IGF2R: variants seen among roughly 807,000 people sequenced by gnomAD.
The protein encoded by IGF2R is insulin like growth factor 2 receptor, also known as cation-independent mannose-6-phosphate receptor.
Under a neutral mutation model 270.6 loss-of-function variants are expected in IGF2R, and 91 were observed. The observed-to-expected ratio is 0.34, with a 90% CI of 0.28 to 0.40. IGF2R has a LOEUF of 0.40. Ranked by LOEUF, IGF2R falls within the 10% of genes least tolerant of loss-of-function variation. The pLI is 1.00. For synonymous variants in IGF2R, 1,316 were observed against 1,258.9 expected (o/e 1.05, Z -0.96); for missense variants, 2,805 against 3,188.3 (o/e 0.88, Z 2.90).
intron 25 of IGF2R, 37 bp downstream of exon 25, chr6:160,061,965 G>A: frequency 6.3e-7 from 1 of 1,590,616 alleles, no homozygotes; most frequent in South Asian, 1.1e-5. Flanking sequence ...GTTGTCCCCG[G>A]GTGACTCCAT....
chr6:160,070,480 C>T (rs943823052), intron 31 of IGF2R, among the ~76,000 whole-genome samples: 1 of 152,168 alleles, frequency 6.6e-6, no homozygotes, highest in Non-Finnish European at 1.5e-5. Context: ...CCTGCTCAGC[C>T]GTTCATAACA....
intron 4 of IGF2R, among the ~76,000 whole-genome samples, chr6:160,023,440 A>G (rs1469058373): frequency 1.3e-5 from 2 of 152,168 alleles, no homozygotes; most frequent in Non-Finnish European, 2.9e-5. Context: ...ATGAAATTTG[A>G]GATGGTTTTG....
At position 160,026,029 on chromosome 6, in the gene IGF2R, T is replaced by C. The variant is rs977014815; in HGVS notation, c.647-1156T>C. ...CAGACATTCTCCATTCCCAGGAAATTGCCCTAAGTCTCAAACCAAGATTGA... is the reference window on the plus strand; with the variant it reads ...CAGACATTCTCCATTCCCAGGAAATCGCCCTAAGTCTCAAACCAAGATTGA... On this transcript the variant is annotated intron_variant, in intron 5 of 47. Coordinates refer to ENST00000356956, the MANE Select transcript of IGF2R (RefSeq NM_000876.4). 2.0e-5 allele frequency among the ~76,000 whole-genome samples: 3 copies of C among 152,212 alleles called. No individual in the cohort carries two copies. In the East Asian group the frequency reaches 5.8e-4, roughly 29 times the overall value.
chr6:160,046,706 C>T (rs1248476274), intron 15 of IGF2R, 61 bp downstream of exon 15: 54 of 1,534,748 alleles, frequency 3.5e-5, no homozygotes, highest in Non-Finnish European at 4.5e-5. Context: ...ATATTATTTT[C>T]AGGAATAGGT....
intron 1 of IGF2R, among the ~76,000 whole-genome samples, chr6:159,977,557 G>A (rs1343987183): frequency 2.0e-5 from 3 of 152,226 alleles, no homozygotes; most frequent in Admixed American, 6.5e-5. Flanking sequence ...GGCCTGAGAC[G>A]GGGGATCTGG....
In IGF2R at chr6:159,998,786, A is replaced by C. The variant is rs2115189656; in HGVS notation, c.289+7463A>C. 6.6e-6 allele frequency among the ~76,000 whole-genome samples: 1 copy of C among 152,296 alleles called. No individual in the cohort carries two copies. Among genetic ancestry groups the C allele is most frequent in the East Asian group, 1.9e-4 (1 of 5,192 alleles). On this transcript the variant is annotated intron_variant, in intron 2 of 47. Transcript: ENST00000356956. The surrounding 1 kb of genome is among the most constrained non-coding windows in gnomAD (Gnocchi z 4.1). ...GTATGAGTCAATGAGAGTGACATTCACAGTAGCATAGGGATAATCCCGAAT... is the reference window on the plus strand; with the variant it reads ...GTATGAGTCAATGAGAGTGACATTCCCAGTAGCATAGGGATAATCCCGAAT...
chr6:160,011,321 C>T (rs1035769612), intron 4 of IGF2R, among the ~76,000 whole-genome samples: 4 of 152,154 alleles, frequency 2.6e-5, no homozygotes, highest in Non-Finnish European at 5.9e-5. Flanking sequence ...TTTTCCAGCT[C>T]ACCTCAGAGA....
In IGF2R at chr6:160,063,688, T is replaced by C. The variant is rs1044517905; in HGVS notation, c.3886+58T>C. The stretch of plus-strand genomic sequence containing the variant: ...AAGGAATGGAATTAAAATATTAAAA[T>C]ATTTTGCTGAAGATGAATTTTCCCT... On this transcript the variant is annotated intron_variant, in intron 27 of 47. Transcript: ENST00000356956. The C allele has an allele frequency of 8.2e-6, 11 of 1,339,136 alleles. No homozygotes were observed. In the African/African-American group the frequency reaches 1.0e-4, roughly 13 times the overall value. 83.0% of individuals were successfully genotyped at this position (1,339,136 alleles called of 1,614,324 possible). A position where few individuals can be genotyped will look rare whatever the true frequency, so the allele number is the denominator to read the frequency against.
At chr6:160,093,963 A>G (rs1346423195) in intron 44 of IGF2R, 2 of 686,144 alleles carry the variant, frequency 2.9e-6, no homozygotes, top group Non-Finnish European at 5.6e-6. Flanking sequence ...AGGTGGATGT[A>G]GAACAGAAAA....
intron 44 of IGF2R, chr6:160,094,533 G>C (rs763761175): frequency 2.6e-5 from 4 of 153,726 alleles, no homozygotes; most frequent in African/African-American, 9.7e-5. Context: ...CCCAAGCTAT[G>C]CCTGGTATTG....
Position 160,079,696 on chromosome 6 carries a change from C to A in IGF2R, c.5595C>A (p.Ser1865=). 1 of 1,528,104 alleles carries A rather than the reference C, an allele frequency of 6.5e-7. No individual in the cohort carries two copies. Among genetic ancestry groups the A allele is most frequent in the South Asian group, 1.3e-5 (1 of 77,048 alleles). 94.7% of individuals were successfully genotyped at this position (1,528,104 alleles called of 1,614,324 possible). The change falls in exon 38 of 48, where the codon TCC becomes TCA. Residue 1865 remains serine (S), a synonymous_variant. Transcript: ENST00000356956. The part of the protein sequence containing the change: ...VCLLSGTKGA[S]FGRLQSMKLD... ...TGCTCTCAGGCACCAAGGGGGCATC[C>A]TTTGGACGGCTGCAATCAATGAAAC...
intron 39 of IGF2R, among the ~76,000 whole-genome samples, chr6:160,081,825 G>A (rs1778989037): frequency 6.6e-6 from 1 of 152,222 alleles, no homozygotes; most frequent in African/African-American, 2.4e-5. Flanking sequence ...CCGGCCCACA[G>A]TCAGCCAGAC....
intron 2 of IGF2R, among the ~76,000 whole-genome samples, chr6:160,000,423 T>C (rs1784110068): frequency 6.6e-6 from 1 of 152,112 alleles, no homozygotes; most frequent in Non-Finnish European, 1.5e-5. Context: ...GGGATGGTGC[T>C]ACACCATTGG....
intron 3 of IGF2R, among the ~76,000 whole-genome samples, chr6:160,009,977 A>G (rs1784307801): frequency 7.9e-6 from 1 of 126,162 alleles, no homozygotes; most frequent in African/African-American, 3.1e-5. Context: ...CGTTGTGCAT[A>G]TTGAGACCCA....
intron 4 of IGF2R, among the ~76,000 whole-genome samples, chr6:160,024,289 A>C (rs925255550): frequency 4.0e-5 from 6 of 151,818 alleles, no homozygotes; most frequent in Non-Finnish European, 7.4e-5. Flanking sequence ...GGTAGATCTC[A>C]TGGCATGCTG....
intron 32 of IGF2R, among the ~76,000 whole-genome samples, chr6:160,072,342 A>G (rs1283401106): frequency 6.6e-6 from 1 of 152,092 alleles, no homozygotes; most frequent in African/African-American, 2.4e-5. Context: ...TAGGCTCTCC[A>G]GGGCAGGTTA....
rs536842861 is a variant in IGF2R, at chr6:160,017,562, T to C, written c.513+6777T>C. 2.0e-5 allele frequency among the ~76,000 whole-genome samples: 3 copies of C among 152,282 alleles called. No homozygotes were observed. In the South Asian group the frequency reaches 6.2e-4, roughly 32 times the overall value. ...AGGACTTCACCACAACATATAGCCA[T>C]GAGACTGTATGAGGTCAACATGAAG... is the stretch of plus-strand genomic sequence containing the variant. On this transcript the variant is annotated intron_variant, in intron 4 of 47. Transcript: ENST00000356956.
At position 160,048,503 on chromosome 6, in the gene IGF2R, G is replaced by A. The variant is rs137887848; in HGVS notation, c.2474G>A (p.Arg825Gln). The change falls in exon 18 of 48, where the codon CGA (arginine) becomes CAA (glutamine). Residue 825 changes from arginine to glutamine, a missense_variant. Coordinates refer to ENST00000356956, the MANE Select transcript of IGF2R (RefSeq NM_000876.4). The stretch of plus-strand genomic sequence containing the variant: ...CTGAATCCAGTGCCGGGCTGCAACC[G>A]ATATGCATCGGCTTGCCAGATGAAG... ...RPLNPVPGCN[R>Q]YASACQMKYE... is the part of the protein sequence containing the mutation. 9.3e-6 allele frequency: 15 copies of A among 1,614,006 alleles called. No individual in the cohort carries two copies. Among genetic ancestry groups the A allele is most frequent in the African/African-American group, 2.7e-5 (2 of 74,934 alleles).
intron 4 of IGF2R, among the ~76,000 whole-genome samples, chr6:160,013,207 T>C (rs969552586): frequency 1.3e-5 from 2 of 152,104 alleles, no homozygotes; most frequent in South Asian, 2.1e-4. Flanking sequence ...CAAAATAAAA[T>C]GAATAGCAAC....
Sources: gnomAD v4.1 joint callset for allele counts (sites outside exome capture counted in the v4.1 genomes callset) on GRCh38, gnomAD v4.1.1 for gene constraint, Gnocchi (gnomAD v3.1) non-coding constraint, MANE v1.5 for transcripts, NCBI Gene and HGNC (gene_info 2026-07-23, HGNC 2026-07-21) for gene names.